WDR93: variants seen among roughly 807,000 people sequenced by gnomAD.
WDR93 encodes WD repeat domain 93.
In WDR93, 73 loss-of-function variants were observed where a neutral mutation model predicts 82.9. The ratio of observed to expected loss-of-function variants is 0.88; its 90% CI spans 0.73 to 1.07. The LOEUF (loss-of-function observed/expected upper bound fraction) is 1.07. Ranked by LOEUF, WDR93 falls within the 50% of genes least tolerant of loss-of-function variation. WDR93 has a pLI of 0.00. For synonymous variants in WDR93, 283 were observed against 300.1 expected (o/e 0.94, Z 0.59); for missense variants, 738 against 826.0 (o/e 0.89, Z 1.31).
In WDR93 at chr15:89,743,280, T is replaced by G; in HGVS notation, c.1962-12T>G. ...GAGGAGATTCCTCTCATCACAGTTG[T>G]GTGGCCCTCAGCTATCGGAAGCTGG... On this transcript the variant is annotated splice_polypyrimidine_tract_variant and intron_variant, in intron 16 of 16. Coordinates refer to ENST00000268130, the MANE Select transcript of WDR93 (RefSeq NM_020212.2). 3 of 1,614,042 alleles carry G rather than the reference T, an allele frequency of 1.9e-6. No individual in the cohort carries two copies. The highest frequency in any genetic ancestry group is 1.6e-4 in the Middle Eastern group (1 of 6,062).
At chr15:89,740,937 C>T (rs1167340071) in intron 16 of WDR93, among the ~76,000 whole-genome samples, 1 of 151,944 alleles carries the variant, frequency 6.6e-6, no homozygotes, top group Non-Finnish European at 1.5e-5. Context: ...GCCAGGCGTT[C>T]GAGACCAGGC....
At chr15:89,708,009 ATTATG>A (rs1306283734) in intron 4 of WDR93, among the ~76,000 whole-genome samples, 2 of 152,134 alleles carry the variant, frequency 1.3e-5, no homozygotes, top group East Asian at 1.9e-4. Context: ...TTTCAAAATA[ATTATG>A]TTAAGTGAAA....
At chr15:89,720,041 C>T (rs1486578755) in intron 7 of WDR93, among the ~76,000 whole-genome samples, 1 of 151,550 alleles carries the variant, frequency 6.6e-6, no homozygotes, top group Non-Finnish European at 1.5e-5. Context: ...CTCGTGATCC[C>T]ACCTGCCTCA....
intron 14 of WDR93, among the ~76,000 whole-genome samples, chr15:89,736,093 TGTGTG>T (rs1277252525): frequency 4.6e-5 from 7 of 152,166 alleles, no homozygotes; most frequent in African/African-American, 1.7e-4. Flanking sequence ...GATGTGTCCC[TGTGTG>T]GGATGGGGCT....
chr15:89,714,698 TA>T (rs1966162077), intron 5 of WDR93, among the ~76,000 whole-genome samples: 1 of 152,178 alleles, frequency 6.6e-6, no homozygotes, highest in Non-Finnish European at 1.5e-5. Flanking sequence ...ACAATTTGGT[TA>T]AAAAGCTGTT....
In WDR93 at chr15:89,690,876, A is replaced by G. The variant is rs566540973; in HGVS notation, c.-41+19A>G. The G allele has an allele frequency of 1.4e-5, 7 of 489,782 alleles. No individual in the cohort carries two copies. Among genetic ancestry groups the G allele is most frequent in the Non-Finnish European group, 2.6e-5 (7 of 273,864 alleles). 30.3% of individuals were successfully genotyped at this position (489,782 alleles called of 1,614,324 possible). A position where few individuals can be genotyped will look rare whatever the true frequency, so the allele number is the denominator to read the frequency against. On this transcript the variant is annotated intron_variant, in intron 1 of 16. Transcript: ENST00000268130. Reference sequence around the variant, plus strand: ...CGGCCAGGTGAGCAAAACTGATCTTACCTTTGGATGCCGGGGCTCCCCTCG... The same window carrying G: ...CGGCCAGGTGAGCAAAACTGATCTTGCCTTTGGATGCCGGGGCTCCCCTCG...
At chr15:89,707,362 C>T (rs1485269497) in intron 4 of WDR93, among the ~76,000 whole-genome samples, 3 of 152,120 alleles carry the variant, frequency 2.0e-5, no homozygotes, top group Non-Finnish European at 2.9e-5. Flanking sequence ...ACCACCCTGG[C>T]CAACATGGTG....
At chr15:89,694,488 G>A (rs928915873) in intron 1 of WDR93, among the ~76,000 whole-genome samples, 1 of 152,008 alleles carries the variant, frequency 6.6e-6, no homozygotes, top group African/African-American at 2.4e-5. Flanking sequence ...GCCCGCCTTG[G>A]CCTCCCAAAG....
intron 13 of WDR93, among the ~76,000 whole-genome samples, chr15:89,734,033 G>A (rs768905627): frequency 9.5e-5 from 14 of 147,816 alleles, no homozygotes; most frequent in Non-Finnish European, 1.7e-4. Flanking sequence ...ATGTGTGTAC[G>A]TGTGTGTGTG....
intron 16 of WDR93, among the ~76,000 whole-genome samples, chr15:89,741,438 GGCT>G (rs1281695706): frequency 1.3e-5 from 2 of 152,074 alleles, no homozygotes; most frequent in Non-Finnish European, 2.9e-5. Flanking sequence ...ATGTTGCCCA[GGCT>G]GGTCTTGAAC....
intron 14 of WDR93, among the ~76,000 whole-genome samples, chr15:89,736,587 C>G (rs1488266284): frequency 6.6e-6 from 1 of 152,030 alleles, no homozygotes; most frequent in African/African-American, 2.4e-5. Context: ...TGCATGGGGA[C>G]AGTCCTGCAA....
chr15:89,713,183 T>C (rs1966080497), intron 5 of WDR93, among the ~76,000 whole-genome samples: 1 of 151,538 alleles, frequency 6.6e-6, no homozygotes, highest in Admixed American at 6.6e-5. Context: ...TCAAAGAATT[T>C]TTGGACATGT....
chr15:89,712,985 G>A (rs984650725), intron 5 of WDR93, among the ~76,000 whole-genome samples: 15 of 152,074 alleles, frequency 9.9e-5, no homozygotes, highest in African/African-American at 2.7e-4. Context: ...TTAGCCAGAC[G>A]TGGTGGTGGG....
chr15:89,713,802 A>G (rs1380143395), intron 5 of WDR93, among the ~76,000 whole-genome samples: 1 of 152,112 alleles, frequency 6.6e-6, no homozygotes, highest in African/African-American at 2.4e-5. Flanking sequence ...TGCTTTGTGT[A>G]TTCAAGGAAA....
At chr15:89,704,428 CT>C (rs2141605539) in intron 3 of WDR93, 1 of 152,188 alleles carries the variant, frequency 6.6e-6, no homozygotes, top group African/African-American at 2.4e-5. Context: ...ATTTTTGTAA[CT>C]TTTTTATAAG....
At chr15:89,739,902 A>G (rs1967519231) in intron 16 of WDR93, among the ~76,000 whole-genome samples, 1 of 152,098 alleles carries the variant, frequency 6.6e-6, no homozygotes. Flanking sequence ...CTGTTTACTC[A>G]GGGAAGATTG....
chr15:89,713,191 T>A (rs1055944327), intron 5 of WDR93, among the ~76,000 whole-genome samples: 1 of 150,420 alleles, frequency 6.6e-6, no homozygotes, highest in African/African-American at 2.4e-5. Flanking sequence ...TTTTTGGACA[T>A]GTGTTAAAAC....
chr15:89,716,245 G>A (rs1482598278), intron 6 of WDR93, among the ~76,000 whole-genome samples: 1 of 152,040 alleles, frequency 6.6e-6, no homozygotes, highest in Non-Finnish European at 1.5e-5. Context: ...TGTATTTTTT[G>A]ACACTTCTCA....
chr15:89,738,880 C>T (rs886092584), intron 16 of WDR93, among the ~76,000 whole-genome samples: 5 of 152,008 alleles, frequency 3.3e-5, no homozygotes, highest in African/African-American at 7.3e-5. Context: ...TTTGGGAGGC[C>T]GAGGTGGGCA....
Sources: gnomAD v4.1 joint callset for allele counts (sites outside exome capture counted in the v4.1 genomes callset) on GRCh38, gnomAD v4.1.1 for gene constraint, MANE v1.5 for transcripts, NCBI Gene and HGNC (gene_info 2026-07-23, HGNC 2026-07-21) for gene names.